FAF1: variants seen among roughly 807,000 people sequenced by gnomAD.
FAF1 encodes Fas associated factor 1, also known as FAS-associated factor 1.
Under a neutral mutation model 92.5 loss-of-function variants are expected in FAF1, and 25 were observed. The observed-to-expected ratio is 0.27, with a 90% confidence interval of 0.20 to 0.38. The LOEUF (loss-of-function observed/expected upper bound fraction) is 0.38. Ranked by LOEUF, FAF1 falls within the 10% of genes least tolerant of loss-of-function variation. FAF1 has a pLI of 1.00. For missense variants in FAF1, 636 were observed against 793.3 expected (o/e 0.80, Z 2.38); for synonymous variants, 234 against 273.2 (o/e 0.86, Z 1.42).
intron 6 of FAF1, among the ~76,000 whole-genome samples, chr1:50,729,058 A>ATATATATATAT (rs1375923156): frequency 2.4e-4 from 17 of 70,114 alleles, no homozygotes; most frequent in African/African-American, 8.3e-4. Flanking sequence ...ATATATATAT[A>ATATATATATAT]TTTTTTTTTT....
At chr1:50,528,559 G>A (rs894666772) in intron 15 of FAF1, among the ~76,000 whole-genome samples, 1 of 152,094 alleles carries the variant, frequency 6.6e-6, no homozygotes, top group Admixed American at 6.5e-5. Context: ...ATGGAAACTA[G>A]TATGAAAATA....
At chr1:50,620,682 G>A (rs1653153527) in intron 8 of FAF1, among the ~76,000 whole-genome samples, 1 of 152,232 alleles carries the variant, frequency 6.6e-6, no homozygotes, top group Non-Finnish European at 1.5e-5. Flanking sequence ...GTGAATTCTT[G>A]CACTTGGTTT....
intron 15 of FAF1, among the ~76,000 whole-genome samples, chr1:50,518,267 A>T (rs1647311286): frequency 6.6e-6 from 1 of 152,220 alleles, no homozygotes; most frequent in African/African-American, 2.4e-5. Flanking sequence ...TTTGTGATAC[A>T]TTCAAGCTGC....
chr1:50,491,934 A>G (rs1572781762), intron 15 of FAF1, 133 bp from the exon 16 acceptor site: 1 of 636,980 alleles, frequency 1.6e-6, no homozygotes, highest in East Asian at 2.8e-5. Context: ...TAAAGTGTAT[A>G]GGACATAAAT....
rs36053491 is a variant in FAF1 at position 50,836,170 on chromosome 1, G to GTTTTTTTTTTTTTTTTTTTT, written c.114+21758_114+21759insAAAAAAAAAAAAAAAAAAAA. 6.3e-4 allele frequency among the ~76,000 whole-genome samples: 62 copies of GTTTTTTTTTTTTTTTTTTTT among 98,514 alleles called. 4 individuals are homozygous for GTTTTTTTTTTTTTTTTTTTT. The highest frequency in any genetic ancestry group is 1.3e-3 in the East Asian group (5 of 3,952). 64.6% of individuals were successfully genotyped at this position (98,514 alleles called of 152,430 possible). On this transcript the variant is annotated intron_variant, in intron 2 of 18. Coordinates refer to ENST00000396153, the MANE Select transcript of FAF1 (RefSeq NM_007051.3). ...GTGTGTGTTTTTGTTTTTTGTTTCTGTTTTTTTTTTTTTTTTTTTAGACAG... is the reference window on the plus strand; with the variant it reads ...GTGTGTGTTTTTGTTTTTTGTTTCTGTTTTTTTTTTTTTTTTTTTTTTTTTTTTTTTTTTTTTTTAGACAG...
At chr1:50,520,156 G>A (rs955785869) in intron 15 of FAF1, among the ~76,000 whole-genome samples, 5 of 152,044 alleles carry the variant, frequency 3.3e-5, no homozygotes, top group African/African-American at 4.8e-5. Flanking sequence ...TGTCATTTCC[G>A]TATCATACTT....
At chr1:50,561,580 C>A (rs12078102) in intron 13 of FAF1, among the ~76,000 whole-genome samples, 3,134 of 152,254 alleles carry the variant, frequency 0.021, 106 homozygotes, top group African/African-American at 0.073. Context: ...GTAATCCCAG[C>A]ACTTTGGGAG....
chr1:50,590,032 A>G (rs1285550384), intron 9 of FAF1, among the ~76,000 whole-genome samples: 1 of 152,186 alleles, frequency 6.6e-6, no homozygotes, highest in Non-Finnish European at 1.5e-5. Flanking sequence ...CCATTGGGCT[A>G]TATGTTAGTC....
In FAF1 at chr1:50,746,822, C is replaced by T. The variant is rs570357236; in HGVS notation, c.368-2047G>A. 5.9e-5 allele frequency among the ~76,000 whole-genome samples: 9 copies of T among 152,308 alleles called. No individual in the cohort carries two copies. The South Asian group carries it at 1.9e-3, about 32-fold the overall frequency. ...TCACAGCAGCCCCTGCCATCACTGG[C>T]CCAGAGGCCTACGAGGTGGGTGAGA... is the stretch of plus-strand genomic sequence containing the variant. On this transcript the variant is annotated intron_variant, in intron 4 of 18. Transcript: ENST00000396153.
At chr1:50,647,859 A>G (rs11205750) in intron 8 of FAF1, among the ~76,000 whole-genome samples, 14,000 of 152,240 alleles carry the variant, frequency 0.092, 829 homozygotes, top group African/African-American at 0.17. Flanking sequence ...TAACAAAATA[A>G]GAAAAAAGTG....
intron 15 of FAF1, among the ~76,000 whole-genome samples, chr1:50,517,777 C>T (rs1647273177): frequency 6.6e-6 from 1 of 152,138 alleles, no homozygotes; most frequent in Non-Finnish European, 1.5e-5. Context: ...GTTACAGTTT[C>T]CTTTTCTATA....
intron 15 of FAF1, among the ~76,000 whole-genome samples, chr1:50,512,219 C>G (rs547064996): frequency 1.3e-5 from 2 of 152,302 alleles, no homozygotes; most frequent in African/African-American, 4.8e-5. Flanking sequence ...GGTTCTTTTG[C>G]TGTGCAAGAA....
At chr1:50,936,919 C>G (rs893859602) in intron 1 of FAF1, among the ~76,000 whole-genome samples, 1 of 151,912 alleles carries the variant, frequency 6.6e-6, no homozygotes, top group African/African-American at 2.4e-5. Flanking sequence ...CTGAAATAGG[C>G]TGAGAAGAGG....
chr1:50,701,177 A>G (rs569035169), intron 7 of FAF1, among the ~76,000 whole-genome samples: 1 of 152,248 alleles, frequency 6.6e-6, no homozygotes, highest in East Asian at 1.9e-4. Context: ...TTCAAATTTT[A>G]AAAAATCAAA....
intron 1 of FAF1, among the ~76,000 whole-genome samples, chr1:50,919,619 C>A (rs572238747): frequency 1.3e-5 from 2 of 152,020 alleles, no homozygotes; most frequent in East Asian, 3.9e-4. Context: ...TCCCGAGTAG[C>A]TGGGATTACA....
intron 1 of FAF1, among the ~76,000 whole-genome samples, chr1:50,872,843 G>A (rs1250486338): frequency 2.0e-5 from 3 of 151,848 alleles, no homozygotes; most frequent in South Asian, 2.1e-4. Context: ...GAGTTGCAGT[G>A]AGCCGAGATT....
At chr1:50,838,558 AAT>A (rs954105045) in intron 2 of FAF1, among the ~76,000 whole-genome samples, 37 of 88,580 alleles carry the variant, frequency 4.2e-4, no homozygotes, top group East Asian at 2.5e-3. Flanking sequence ...ATAAATTAAA[AAT>A]ATATATATTT....
At chr1:50,938,631 T>C (rs1321475785) in intron 1 of FAF1, among the ~76,000 whole-genome samples, 4 of 152,248 alleles carry the variant, frequency 2.6e-5, no homozygotes, top group Non-Finnish European at 4.4e-5. Context: ...TTTTGGGGAC[T>C]TAACCAAAAA....
rs368972971 is a variant in FAF1 at position 50,811,859 on chromosome 1, C to G, written c.115-10182G>C. Among the ~76,000 whole-genome samples the G allele has an allele frequency of 2.3e-4, 35 of 152,178 alleles. 1 individual carries two copies. The South Asian group carries it at 6.8e-3, about 30-fold the overall frequency. ...TAACCATTACAGCATGGTACTGATA[C>G]AAAAACACATAGACCCATGGAACAG... On this transcript the variant is annotated intron_variant, in intron 2 of 18. Transcript: ENST00000396153.
Sources: allele counts gnomAD v4.1 joint callset (sites outside exome capture counted in the v4.1 genomes callset), GRCh38; gene constraint gnomAD v4.1.1; transcripts MANE v1.5; gene names NCBI Gene and HGNC (gene_info 2026-07-23, HGNC 2026-07-21).